SMAP2: variants seen among roughly 807,000 people sequenced by gnomAD.
SMAP2 encodes the protein stromal membrane-associated protein 2.
SMAP2 carries 25 observed loss-of-function variants against 56.4 expected under a neutral mutation model. That is an observed-to-expected ratio of 0.44 (90% CI 0.32 to 0.62). SMAP2 has a LOEUF of 0.62. SMAP2 is among the 20% of genes least tolerant of loss of function. The probability of loss-of-function intolerance (pLI) is 0.04; values close to 1 mark genes in which losing one functional copy is unlikely to be tolerated. For synonymous variants in SMAP2, 157 were observed against 181.7 expected, an observed-to-expected ratio of 0.86 and a Z score of 1.09; for missense variants, 388 against 545.6, an observed-to-expected ratio of 0.71 and a Z score of 2.88.
chr1:40,410,616 T>C (rs1054371161), intron 4 of SMAP2, among the ~76,000 whole-genome samples: 5 of 152,124 alleles, frequency 3.3e-5, no homozygotes, highest in African/African-American at 9.7e-5. Flanking sequence ...TGATTGCCAA[T>C]GGGACCCTTG....
intron 1 of SMAP2, among the ~76,000 whole-genome samples, chr1:40,377,717 G>C (rs1293087106): frequency 1.3e-5 from 2 of 152,210 alleles, no homozygotes; most frequent in Non-Finnish European, 2.9e-5. Context: ...ACTGGTCCAA[G>C]TTTTAACTTC....
chr1:40,378,921 G>A (rs1185420610), intron 1 of SMAP2, among the ~76,000 whole-genome samples: 1 of 151,682 alleles, frequency 6.6e-6, no homozygotes, highest in African/African-American at 2.4e-5. Flanking sequence ...CCTCATCTCT[G>A]AGCCACCATT....
intron 1 of SMAP2, among the ~76,000 whole-genome samples, chr1:40,350,818 T>G (rs1347429744): frequency 6.6e-6 from 1 of 152,200 alleles, no homozygotes; most frequent in Admixed American, 6.5e-5. Context: ...GTGAAGAAAT[T>G]TCTATATCTT....
chr1:40,361,156 A>G (rs2124176413), intron 1 of SMAP2, among the ~76,000 whole-genome samples: 1 of 152,326 alleles, frequency 6.6e-6, no homozygotes, highest in Non-Finnish European at 1.5e-5. Context: ...CAGTTCAGCC[A>G]CAGTAGGATA....
intron 1 of SMAP2, among the ~76,000 whole-genome samples, chr1:40,347,190 C>T (rs1009797802): frequency 1.3e-5 from 2 of 150,362 alleles, no homozygotes; most frequent in Non-Finnish European, 3.0e-5. Flanking sequence ...ACCACAGGTG[C>T]ACCACCACGC....
chr1:40,387,830 C>G (rs1644673629), intron 1 of SMAP2, among the ~76,000 whole-genome samples: 1 of 149,254 alleles, frequency 6.7e-6, no homozygotes, highest in African/African-American at 2.4e-5. Flanking sequence ...AGCTGGCTCC[C>G]TCGGCTTGCG....
At chr1:40,357,569 A>G (rs1395093978) in intron 1 of SMAP2, among the ~76,000 whole-genome samples, 5 of 151,692 alleles carry the variant, frequency 3.3e-5, no homozygotes, top group Non-Finnish European at 7.4e-5. Flanking sequence ...GAAGTCTTAG[A>G]TTTAAGTCTT....
At position 40,386,832 on chromosome 1, in the gene SMAP2, C is replaced by T. The variant is rs1038242570; in HGVS notation, c.103+12609C>T. Among the ~76,000 whole-genome samples the T allele has an allele frequency of 6.7e-6, 1 of 149,982 alleles. No homozygotes were observed. Among genetic ancestry groups the T allele is most frequent in the Non-Finnish European group, 1.5e-5 (1 of 67,658 alleles). On this transcript the variant is annotated intron_variant, in intron 1 of 9. Coordinates refer to ENST00000372718, the MANE Select transcript of SMAP2 (RefSeq NM_022733.3). This position sits in a 1 kb window ranked among gnomAD's most constrained non-coding sequence, Gnocchi z 4.1. The stretch of plus-strand genomic sequence containing the variant: ...GGAAAGTATGAAAAATATAATGATG[C>T]TGAAGGTATTTTTCATAATTCTTTT...
At chr1:40,400,212 G>A (rs888311354) in intron 1 of SMAP2, among the ~76,000 whole-genome samples, 1 of 152,194 alleles carries the variant, frequency 6.6e-6, no homozygotes, top group Admixed American at 6.5e-5. Flanking sequence ...TTGGTCCCTT[G>A]AGGAAATGAA....
intron 9 of SMAP2, among the ~76,000 whole-genome samples, chr1:40,417,869 C>T (rs1645005014): frequency 1.3e-5 from 2 of 152,156 alleles, no homozygotes; most frequent in Admixed American, 1.3e-4. Context: ...AGATGGTGCT[C>T]TTAATCTAAG....
chr1:40,395,674 C>T lies in SMAP2; in HGVS notation c.104-11062C>T, dbSNP rs761662890. On this transcript the variant is annotated intron_variant, in intron 1 of 9. Coordinates refer to ENST00000372718, the MANE Select transcript of SMAP2 (RefSeq NM_022733.3). ...ATCTGGTTAAGGTATATTGACTTGTCTAAAGTCACACAGGAAATTAGTGCT... is the reference window on the plus strand; with the variant it reads ...ATCTGGTTAAGGTATATTGACTTGTTTAAAGTCACACAGGAAATTAGTGCT... Among the ~76,000 whole-genome samples the T allele has an allele frequency of 8.5e-5, 13 of 152,130 alleles. 1 individual carries two copies. Among genetic ancestry groups the T allele is most frequent in the Non-Finnish European group, 8.8e-5 (6 of 68,026 alleles).
intron 1 of SMAP2, among the ~76,000 whole-genome samples, chr1:40,345,182 T>G (rs367948044): frequency 1.1e-3 from 163 of 152,018 alleles, no homozygotes; most frequent in African/African-American, 3.7e-3. Context: ...GGCGGGAGGA[T>G]CACTTGAGAC....
intron 4 of SMAP2, 112 bp from the exon 5 acceptor site, chr1:40,412,904 C>T (rs1218039498): frequency 8.0e-6 from 6 of 749,600 alleles, no homozygotes; most frequent in Non-Finnish European, 4.3e-6. Flanking sequence ...CAGACACTTA[C>T]GTCAGAATCA....
At position 40,347,240 on chromosome 1, in the gene SMAP2, G is replaced by GTGTGTT. The variant is rs58284805; in HGVS notation, c.-83+2331_-83+2332insGTGTTT. Among the ~76,000 whole-genome samples, 113 of 88,382 alleles carry GTGTGTT rather than the reference G, an allele frequency of 1.3e-3. 1 individual carries two copies. The highest frequency in any genetic ancestry group is 3.9e-3 in the African/African-American group (98 of 24,878). 58.0% of individuals were successfully genotyped at this position (88,382 alleles called of 152,430 possible). On this transcript the variant is annotated intron_variant, in intron 1 of 6. Transcript: ENST00000435168. The stretch of plus-strand genomic sequence containing the variant: ...TGTGTGTGTGTGTTTGTGTGTGTGT[G>GTGTGTT]TTTTGTTTTTGTTTTTTTTTTTTTT...
intron 1 of SMAP2, among the ~76,000 whole-genome samples, chr1:40,377,057 G>A (rs1338385066): frequency 3.9e-5 from 6 of 152,208 alleles, no homozygotes; most frequent in African/African-American, 1.4e-4. Context: ...AGGCCAAGGA[G>A]GGAGGATCAC....
chr1:40,404,964 A>G (rs189837188), intron 1 of SMAP2, among the ~76,000 whole-genome samples: 1 of 152,344 alleles, frequency 6.6e-6, no homozygotes, highest in Non-Finnish European at 1.5e-5. Context: ...TTTAGAAGGT[A>G]AATCGGAGCT....
intron 2 of SMAP2, among the ~76,000 whole-genome samples, chr1:40,362,956 C>A (rs1027527793): frequency 6.6e-6 from 1 of 152,078 alleles, no homozygotes; most frequent in Admixed American, 6.6e-5. Context: ...TATAGCTTAG[C>A]TGATGTGTTA....
At chr1:40,378,494 A>G (rs1454322098) in intron 1 of SMAP2, among the ~76,000 whole-genome samples, 1 of 152,066 alleles carries the variant, frequency 6.6e-6, no homozygotes, top group Non-Finnish European at 1.5e-5. Flanking sequence ...CTTATCTACA[A>G]TTGAGACAGG....
rs976303371 is a variant in SMAP2, at chr1:40,386,943, A to G, written c.103+12720A>G. 4.1e-5 allele frequency among the ~76,000 whole-genome samples: 6 copies of G among 146,724 alleles called. No homozygotes were observed. The highest frequency in any genetic ancestry group is 7.4e-5 in the Non-Finnish European group (5 of 67,526). ...ACGATCTCAGCTCACTGCAGCCTCT[A>G]TCAGGCTTAAGCAGTTCTTCTGTCT... On this transcript the variant is annotated intron_variant, in intron 1 of 9. Transcript: ENST00000372718. This position sits in a 1 kb window ranked among gnomAD's most constrained non-coding sequence, Gnocchi z 4.1.
Sources: gnomAD v4.1 joint callset for allele counts (sites outside exome capture counted in the v4.1 genomes callset) on GRCh38, gnomAD v4.1.1 for gene constraint, Gnocchi (gnomAD v3.1) non-coding constraint, MANE v1.5 for transcripts, NCBI Gene and HGNC (gene_info 2026-07-23, HGNC 2026-07-21) for gene names.